PAG1: variants seen among roughly 807,000 people sequenced by gnomAD.
The protein encoded by PAG1 is phosphoprotein associated with glycosphingolipid-enriched microdomains 1.
In PAG1, 23 loss-of-function variants were observed where a neutral mutation model predicts 31.7. The observed-to-expected ratio is 0.73, with a 90% CI of 0.52 to 1.03. The LOEUF is 1.03. PAG1 is among the 50% of genes least tolerant of loss of function. The pLI is 0.00. For missense variants in PAG1, 473 were observed against 540.7 expected (o/e 0.87, Z 1.24); for synonymous variants, 214 against 210.3 (o/e 1.02, Z -0.15).
chr8:81,083,902 G>A (rs1809309192), intron 1 of PAG1, among the ~76,000 whole-genome samples: 1 of 152,086 alleles, frequency 6.6e-6, no homozygotes, highest in Admixed American at 6.5e-5. Flanking sequence ...AGGCGTGGTG[G>A]TGCATGCCTG....
At chr8:81,066,902 T>C (rs1375835709) in intron 2 of PAG1, among the ~76,000 whole-genome samples, 1 of 152,184 alleles carries the variant, frequency 6.6e-6, no homozygotes, top group Admixed American at 6.5e-5. Context: ...GGTTCATGCC[T>C]GCAATCCCAG....
At chr8:81,064,185 AG>A (rs1808966009) in intron 2 of PAG1, among the ~76,000 whole-genome samples, 1 of 152,166 alleles carries the variant, frequency 6.6e-6, no homozygotes, top group African/African-American at 2.4e-5. Flanking sequence ...GTTTCATGGA[AG>A]ACAATTTTTC....
chr8:81,008,472 T>C (rs769710448), intron 3 of PAG1, among the ~76,000 whole-genome samples: 9 of 151,262 alleles, frequency 5.9e-5, no homozygotes, highest in Non-Finnish European at 8.8e-5. Flanking sequence ...CCAAGATGTA[T>C]GACTACAGTA....
chr8:81,088,771 G>A (rs577837092), intron 1 of PAG1, among the ~76,000 whole-genome samples: 8 of 152,134 alleles, frequency 5.3e-5, no homozygotes, highest in African/African-American at 7.2e-5. Flanking sequence ...ATATAGAAAT[G>A]CTAAACTCTA....
intron 4 of PAG1, among the ~76,000 whole-genome samples, chr8:80,992,437 G>A (rs1807570886): frequency 6.6e-6 from 1 of 152,228 alleles, no homozygotes; most frequent in African/African-American, 2.4e-5. Flanking sequence ...GTGGCATCTA[G>A]CCTATCAGAA....
At chr8:81,064,474 T>C (rs1210649825) in intron 2 of PAG1, among the ~76,000 whole-genome samples, 1 of 152,154 alleles carries the variant, frequency 6.6e-6, no homozygotes, top group Non-Finnish European at 1.5e-5. Context: ...GAGTGCATAA[T>C]TAATTAATGC....
intron 2 of PAG1, among the ~76,000 whole-genome samples, chr8:81,066,856 T>C (rs926044067): frequency 7.9e-5 from 12 of 152,150 alleles, no homozygotes; most frequent in Non-Finnish European, 1.8e-4. Context: ...AAATTTTTCA[T>C]CATAAGCAGT....
intron 3 of PAG1, among the ~76,000 whole-genome samples, chr8:81,011,946 T>C (rs1297297738): frequency 6.6e-6 from 1 of 152,236 alleles, no homozygotes; most frequent in Non-Finnish European, 1.5e-5. Flanking sequence ...TGTCTGAAAC[T>C]GTACTTCCAA....
chr8:80,984,686 G>A (rs1254680901), intron 7 of PAG1, 90 bp downstream of exon 7: 3 of 1,216,894 alleles, frequency 2.5e-6, no homozygotes, highest in Non-Finnish European at 2.3e-6. Context: ...GAAAGTGTTT[G>A]CAGATATTTC....
At chr8:81,018,251 AT>A (rs1200042031) in intron 3 of PAG1, among the ~76,000 whole-genome samples, 2 of 152,266 alleles carry the variant, frequency 1.3e-5, no homozygotes, top group Non-Finnish European at 2.9e-5. Context: ...GCTAAATTGC[AT>A]TTAAGTGTAC....
intron 3 of PAG1, among the ~76,000 whole-genome samples, chr8:80,999,729 C>T (rs1370405327): frequency 6.6e-6 from 1 of 152,208 alleles, no homozygotes; most frequent in East Asian, 1.9e-4. Flanking sequence ...ATACATTAAA[C>T]TTACATCACA....
chr8:81,091,830 A>G lies in PAG1; in HGVS notation c.-234+19761T>C, dbSNP rs62517875. ...TAAGTCACAGGATGAAGAAAGAAGAAGAAGAAGAAGAAGAAAAAAAAACAC... is the reference window on the plus strand; with the variant it reads ...TAAGTCACAGGATGAAGAAAGAAGAGGAAGAAGAAGAAGAAAAAAAAACAC... On this transcript the variant is annotated intron_variant, in intron 1 of 8. Transcript: ENST00000220597. 6.7e-3 allele frequency among the ~76,000 whole-genome samples: 1,018 copies of G among 152,034 alleles called. 4 individuals are homozygous for G. The highest frequency in any genetic ancestry group is 0.014 in the Admixed American group (209 of 15,266).
intron 3 of PAG1, among the ~76,000 whole-genome samples, chr8:81,007,719 G>A (rs1807911938): frequency 6.6e-6 from 1 of 150,958 alleles, no homozygotes; most frequent in African/African-American, 2.4e-5. Flanking sequence ...AGGAATGTGA[G>A]TTCACACTTC....
At chr8:81,021,793 C>T (rs929791909) in intron 3 of PAG1, among the ~76,000 whole-genome samples, 1 of 151,882 alleles carries the variant, frequency 6.6e-6, no homozygotes, top group Non-Finnish European at 1.5e-5. Flanking sequence ...TTTCTGATTC[C>T]AGCATGGATT....
chr8:80,978,893 C>T (rs1443217595), intron 8 of PAG1, among the ~76,000 whole-genome samples: 1 of 152,196 alleles, frequency 6.6e-6, no homozygotes, highest in Non-Finnish European at 1.5e-5. Flanking sequence ...CATTATTCCT[C>T]AGTCTGTAAA....
Position 81,046,725 on chromosome 8 carries a change from G to A in PAG1, c.-174-16636C>T, listed in dbSNP as rs943106728. Among the ~76,000 whole-genome samples the A allele has an allele frequency of 1.1e-4, 17 of 152,200 alleles. No homozygotes were observed. In the East Asian group the frequency reaches 3.1e-3, roughly 28 times the overall value. ...AAGTTCAGGGATACATGTGCAGGAT[G>A]TGCAGGTTTATTACACAGGTAAACG... On this transcript the variant is annotated intron_variant, in intron 2 of 8. Transcript: ENST00000220597.
Position 80,984,939 on chromosome 8 carries a change from T to C in PAG1, c.713A>G (p.Gln238Arg), listed in dbSNP as rs758561088. The change falls in exon 7 of 9, where the codon CAA (glutamine) becomes CGA (arginine). Residue 238 changes from glutamine to arginine, a missense_variant. Transcript: ENST00000220597. ...AAGGATACTCTCTACATTAACACTTTGACGACATTTTTTGTTTCTGTCCAC... is the reference window on the plus strand; with the variant it reads ...AAGGATACTCTCTACATTAACACTTCGACGACATTTTTTGTTTCTGTCCAC... ...ASVDRNKKCRQSVNVESILGN... is the reference protein window; with the variant it reads ...ASVDRNKKCRRSVNVESILGN... 2 of 1,614,210 alleles carry C rather than the reference T, an allele frequency of 1.2e-6. No homozygotes were observed. Among genetic ancestry groups the C allele is most frequent in the East Asian group, 2.2e-5 (1 of 44,884 alleles).
At chr8:81,051,957 C>G (rs1179609080) in intron 2 of PAG1, among the ~76,000 whole-genome samples, 1 of 151,700 alleles carries the variant, frequency 6.6e-6, no homozygotes, top group Admixed American at 6.6e-5. Flanking sequence ...GGTGAAACCC[C>G]GTCTCTACTA....
chr8:81,109,419 C>T (rs565495114), intron 1 of PAG1, among the ~76,000 whole-genome samples: 22 of 152,272 alleles, frequency 1.4e-4, no homozygotes, highest in Non-Finnish European at 1.5e-5. Context: ...TCACTGAGCT[C>T]CCATTTTCTC....
Sources: gnomAD v4.1 joint callset for allele counts (sites outside exome capture counted in the v4.1 genomes callset) on GRCh38, gnomAD v4.1.1 for gene constraint, MANE v1.5 for transcripts, NCBI Gene and HGNC (gene_info 2026-07-23, HGNC 2026-07-21) for gene names.